The following TRAPPC9 variants were observed in gnomAD, a reference collection of about 807,000 sequenced individuals.
The protein encoded by TRAPPC9 is trafficking protein particle complex subunit 9.
In TRAPPC9, 83 loss-of-function variants were observed where a neutral mutation model predicts 124.0. The ratio of observed to expected loss-of-function variants is 0.67; its 90% CI spans 0.56 to 0.80. TRAPPC9 has a LOEUF of 0.80. Ranked by LOEUF, TRAPPC9 falls within the 30% of genes least tolerant of loss-of-function variation. The pLI is 0.00. For synonymous variants in TRAPPC9, 638 were observed against 617.5 expected, an observed-to-expected ratio of 1.03 and a Z score of -0.49; for missense variants, 1,302 against 1,508.3, an observed-to-expected ratio of 0.86 and a Z score of 2.27.
At chr8:140,240,143 T>TC (rs1167668195) in intron 16 of TRAPPC9, among the ~76,000 whole-genome samples, 2 of 152,200 alleles carry the variant, frequency 1.3e-5, no homozygotes, top group African/African-American at 4.8e-5. Flanking sequence ...TGTTTTTTTT[T>TC]CACCCTAGTC....
intron 7 of TRAPPC9, among the ~76,000 whole-genome samples, chr8:140,376,593 A>AGGC (rs1170019270): frequency 6.9e-6 from 1 of 145,752 alleles, no homozygotes; most frequent in African/African-American, 2.5e-5. Context: ...CACAGTGTTG[A>AGGC]GGCCAGGCAA....
At chr8:140,065,379 A>G (rs943480363) in intron 17 of TRAPPC9, among the ~76,000 whole-genome samples, 2 of 152,226 alleles carry the variant, frequency 1.3e-5, no homozygotes, top group Non-Finnish European at 2.9e-5. Flanking sequence ...ATCATTGAGG[A>G]AGATGGCTAC....
intron 17 of TRAPPC9, among the ~76,000 whole-genome samples, chr8:140,033,658 G>GTTTTTTTTTTTTTTTTTTTGTTTTTTTTT (rs1840652480): frequency 7.1e-5 from 3 of 42,366 alleles, no homozygotes; most frequent in Admixed American, 3.7e-4. Context: ...TCATAATGTG[G>GTTTTTTTTTTTTTTTTTTTGTTTTTTTTT]TTTTTTTTTT....
intron 5 of TRAPPC9, among the ~76,000 whole-genome samples, chr8:140,410,903 T>TA (rs1564006072): frequency 6.7e-6 from 1 of 148,470 alleles, no homozygotes; most frequent in Non-Finnish European, 1.5e-5. Context: ...ACTGTAAAAA[T>TA]AAAAAAAGGA....
intron 14 of TRAPPC9, among the ~76,000 whole-genome samples, chr8:140,282,299 T>C (rs552736021): frequency 6.6e-6 from 1 of 152,196 alleles, no homozygotes; most frequent in East Asian, 1.9e-4. Flanking sequence ...GGTCAGGAGT[T>C]TGAGACCAGC....
intron 20 of TRAPPC9, among the ~76,000 whole-genome samples, chr8:139,897,453 C>A (rs1025016864): frequency 1.3e-5 from 2 of 152,204 alleles, no homozygotes; most frequent in Non-Finnish European, 2.9e-5. Context: ...GCAATCCAAG[C>A]CACTAAAGAA....
chr8:139,790,996 C>T (rs1822620313), intron 21 of TRAPPC9, among the ~76,000 whole-genome samples: 1 of 152,086 alleles, frequency 6.6e-6, no homozygotes, highest in Non-Finnish European at 1.5e-5. Flanking sequence ...CTGAGGCCTC[C>T]CCAGAAGCCA....
chr8:140,231,481 C>CTT lies in TRAPPC9; in HGVS notation c.2432-9900_2432-9899dup, dbSNP rs71320347. Reference sequence around the variant, plus strand: ...AACTGCTAGTAAATCACTGCCTTTTCTTTTTTTTTTTTTTTTTTTTTTTTT... The same window carrying CTT: ...AACTGCTAGTAAATCACTGCCTTTTCTTTTTTTTTTTTTTTTTTTTTTTTTTT... On this transcript the variant is annotated intron_variant, in intron 16 of 22. Coordinates refer to ENST00000438773, the MANE Select transcript of TRAPPC9 (RefSeq NM_001160372.4). Among the ~76,000 whole-genome samples, 278 of 56,992 alleles carry CTT rather than the reference C, an allele frequency of 4.9e-3. 50 individuals carry two copies. The highest frequency in any genetic ancestry group is 0.016 in the African/African-American group (215 of 13,762). The allele number at this position is 56,992 out of a possible 152,430, so 37.4% of individuals were successfully genotyped here. A position where few individuals can be genotyped will look rare whatever the true frequency, so the allele number is the denominator to read the frequency against.
chr8:139,960,706 T>C (rs1159058357), intron 19 of TRAPPC9, among the ~76,000 whole-genome samples: 1 of 126,024 alleles, frequency 7.9e-6, no homozygotes, highest in Non-Finnish European at 1.9e-5. Context: ...TAGCCAGAGT[T>C]GTGGAGAGGA....
intron 17 of TRAPPC9, among the ~76,000 whole-genome samples, chr8:140,028,885 G>A (rs1840322031): frequency 6.6e-6 from 1 of 152,104 alleles, no homozygotes; most frequent in Non-Finnish European, 1.5e-5. Context: ...GACAGGATTA[G>A]ACAATTATCA....
rs1039122974 is a variant in TRAPPC9, at chr8:139,728,426, C to T, written c.*2635G>A. On this transcript the variant is annotated 3_prime_UTR_variant, in exon 23 of 23. Coordinates refer to ENST00000438773, the MANE Select transcript of TRAPPC9 (RefSeq NM_001160372.4). ...CAGGGGCCTAGAGAAGCAGCAACTGCTGGACTGTATTGCCAGGTAGCCAGT... is the reference window on the plus strand; with the variant it reads ...CAGGGGCCTAGAGAAGCAGCAACTGTTGGACTGTATTGCCAGGTAGCCAGT... 1.3e-5 allele frequency among the ~76,000 whole-genome samples: 2 copies of T among 152,204 alleles called. No homozygotes were observed. The highest frequency in any genetic ancestry group is 4.8e-5 in the African/African-American group (2 of 41,444).
At chr8:140,416,536 G>C (rs1399358115) in intron 5 of TRAPPC9, among the ~76,000 whole-genome samples, 1 of 152,096 alleles carries the variant, frequency 6.6e-6, no homozygotes, top group Non-Finnish European at 1.5e-5. Flanking sequence ...TCTTCAAGGA[G>C]AACTATAAAC....
chr8:140,008,225 CTG>C (rs1458485239), intron 18 of TRAPPC9, among the ~76,000 whole-genome samples: 1 of 152,266 alleles, frequency 6.6e-6, no homozygotes, highest in Non-Finnish European at 1.5e-5. Flanking sequence ...TATGAATTGA[CTG>C]TGATGGCAAT....
intron 1 of TRAPPC9, among the ~76,000 whole-genome samples, chr8:140,454,420 CTT>C (rs1038683968): frequency 4.6e-5 from 7 of 152,240 alleles, no homozygotes; most frequent in Admixed American, 2.6e-4. Context: ...AGGCAGATCA[CTT>C]GAGGTCAGGA....
At chr8:140,110,309 C>T (rs1207344439) in intron 17 of TRAPPC9, among the ~76,000 whole-genome samples, 1 of 14,662 alleles carries the variant, frequency 6.8e-5, no homozygotes, top group Non-Finnish European at 1.1e-4. Context: ...GCTCCCCCTA[C>T]AGCAGCTCCC....
chr8:140,271,660 T>C lies in TRAPPC9; in HGVS notation c.2278+3998A>G, dbSNP rs143736393. On this transcript the variant is annotated intron_variant, in intron 15 of 22. Transcript: ENST00000438773. ...GAAAAGTGCTCAACTTCACCAATCATCGGGGAAAAGCAAATTGAAACCCGA... is the reference window on the plus strand; with the variant it reads ...GAAAAGTGCTCAACTTCACCAATCACCGGGGAAAAGCAAATTGAAACCCGA... Among the ~76,000 whole-genome samples the C allele has an allele frequency of 8.4e-3, 1,272 of 152,294 alleles. 15 individuals are homozygous for C. Among genetic ancestry groups the C allele is most frequent in the African/African-American group, 0.029 (1,196 of 41,570 alleles).
At chr8:140,431,517 C>T (rs1029329665) in intron 4 of TRAPPC9, among the ~76,000 whole-genome samples, 19 of 152,074 alleles carry the variant, frequency 1.2e-4, no homozygotes, top group African/African-American at 3.4e-4. Flanking sequence ...TCTCTCTTCA[C>T]GAAAACATTT....
chr8:140,234,800 A>G (rs2063692582), intron 16 of TRAPPC9, among the ~76,000 whole-genome samples: 1 of 152,266 alleles, frequency 6.6e-6, no homozygotes, highest in African/African-American at 2.4e-5. Flanking sequence ...TACACACACA[A>G]GTTAATTCAA....
chr8:139,795,999 T>TGGAGGAAGAGGAGGATGAGGA, intron 21 of TRAPPC9, among the ~76,000 whole-genome samples: 2 of 146,072 alleles, frequency 1.4e-5, no homozygotes, highest in Non-Finnish European at 1.5e-5. Context: ...ATGGGTTTGG[T>TGGAGGAAGAGGAGGATGAGGA]GGAGGAAGAG....
Sources: allele counts gnomAD v4.1 joint callset (sites outside exome capture counted in the v4.1 genomes callset), GRCh38; gene constraint gnomAD v4.1.1; transcripts MANE v1.5; gene names NCBI Gene and HGNC (gene_info 2026-07-23, HGNC 2026-07-21).